Variants in SGCZ observed in about 807,000 individuals in gnomAD.
The protein encoded by SGCZ is zeta-sarcoglycan.
Under a neutral mutation model 41.3 loss-of-function variants are expected in SGCZ, and 40 were observed. The ratio of observed to expected loss-of-function variants is 0.97; its 90% confidence interval spans 0.75 to 1.26. The LOEUF is 1.26. Ranked by LOEUF, SGCZ falls within the 50% of genes most tolerant of loss-of-function variation. SGCZ has a pLI of 0.00. For synonymous variants in SGCZ, 206 were observed against 137.5 expected (o/e 1.50, Z -3.49); for missense variants, 552 against 369.8 (o/e 1.49, Z -4.04).
intron 4 of SGCZ, among the ~76,000 whole-genome samples, chr8:14,224,176 G>T (rs1806294910): frequency 6.6e-6 from 1 of 152,124 alleles, no homozygotes; most frequent in African/African-American, 2.4e-5. Context: ...ATACAATATG[G>T]ACTGAACTTG....
chr8:14,970,101 T>A (rs927598534), intron 1 of SGCZ, among the ~76,000 whole-genome samples: 1 of 152,146 alleles, frequency 6.6e-6, no homozygotes, highest in Non-Finnish European at 1.5e-5. Flanking sequence ...TGTAGTGATA[T>A]GTCATTGCAG....
At chr8:14,304,956 A>C (rs1801305562) in intron 3 of SGCZ, among the ~76,000 whole-genome samples, 1 of 152,182 alleles carries the variant, frequency 6.6e-6, no homozygotes, top group African/African-American at 2.4e-5. Context: ...ATTATCAATA[A>C]ATTAAAATTT....
intron 1 of SGCZ, among the ~76,000 whole-genome samples, chr8:14,731,016 C>A (rs905779177): frequency 1.3e-5 from 2 of 151,526 alleles, no homozygotes; most frequent in African/African-American, 2.4e-5. Context: ...ACCATTTGAC[C>A]CAGCAACCCC....
intron 5 of SGCZ, among the ~76,000 whole-genome samples, chr8:14,109,983 G>T (rs1183974390): frequency 6.6e-6 from 1 of 152,092 alleles, no homozygotes. Flanking sequence ...CTGAGACTCT[G>T]TAGGACATAT....
At position 15,000,266 on chromosome 8, in the gene SGCZ, T is replaced by C. The variant is rs143937112; in HGVS notation, c.39+237319A>G. Among the ~76,000 whole-genome samples, 543 of 152,308 alleles carry C rather than the reference T, an allele frequency of 3.6e-3. 2 individuals carry two copies. Among genetic ancestry groups the C allele is most frequent in the Admixed American group, 6.9e-3 (106 of 15,300 alleles). On this transcript the variant is annotated intron_variant, in intron 1 of 7. Coordinates refer to ENST00000382080, the MANE Select transcript of SGCZ (RefSeq NM_139167.4). The stretch of plus-strand genomic sequence containing the variant: ...TAGAACTCTGAGGAAAATATTTCTG[T>C]TGTTTAAGCTACTCAGTCTTTGTTT...
intron 1 of SGCZ, among the ~76,000 whole-genome samples, chr8:14,719,086 G>C (rs1049065391): frequency 9.1e-5 from 13 of 142,214 alleles, no homozygotes; most frequent in Non-Finnish European, 3.0e-5. Context: ...TCCCACCTAT[G>C]AGTGAGAATA....
chr8:14,742,154 T>A (rs1439183718), intron 1 of SGCZ, among the ~76,000 whole-genome samples: 1 of 152,012 alleles, frequency 6.6e-6, no homozygotes, highest in Non-Finnish European at 1.5e-5. Flanking sequence ...AAAGTTTATA[T>A]ACCATGCTAA....
chr8:14,940,790 C>T, intron 1 of SGCZ, among the ~76,000 whole-genome samples: 1 of 151,866 alleles, frequency 6.6e-6, no homozygotes, highest in Admixed American at 6.6e-5. Context: ...TGGTCAAAGA[C>T]ACTTTAAATG....
At chr8:14,329,918 TG>T (rs1482821849) in intron 2 of SGCZ, among the ~76,000 whole-genome samples, 5 of 152,118 alleles carry the variant, frequency 3.3e-5, no homozygotes, top group Non-Finnish European at 5.9e-5. Flanking sequence ...AGCAGTTTTT[TG>T]TTTGTTTTTC....
chr8:14,364,823 T>C (rs1422061769), intron 2 of SGCZ, among the ~76,000 whole-genome samples: 2 of 152,158 alleles, frequency 1.3e-5, no homozygotes, highest in Non-Finnish European at 2.9e-5. Context: ...TCTTTGCCCA[T>C]GGTGTTCTTC....
intron 1 of SGCZ, among the ~76,000 whole-genome samples, chr8:14,903,493 T>C (rs1799033278): frequency 6.6e-6 from 1 of 152,130 alleles, no homozygotes; most frequent in African/African-American, 2.4e-5. Flanking sequence ...GGGTTACTGT[T>C]AAAGTGTTCT....
intron 1 of SGCZ, among the ~76,000 whole-genome samples, chr8:14,773,443 A>C (rs1302653842): frequency 1.3e-5 from 2 of 152,192 alleles, no homozygotes; most frequent in Admixed American, 6.5e-5. Flanking sequence ...TTTTCCAACA[A>C]GATTATTAAT....
rs1809460537 is a variant in SGCZ, at chr8:14,709,978, C to A, written c.40-155052G>T. On this transcript the variant is annotated intron_variant, in intron 1 of 7. Transcript: ENST00000382080. ...ATAATAGAGAAACTAAGACTCAAAC[C>A]AGGTGCTAAGCACATTAGTCACTCT... Among the ~76,000 whole-genome samples, 3 of 152,090 alleles carry A rather than the reference C, an allele frequency of 2.0e-5. No individual in the cohort carries two copies. In the South Asian group the frequency reaches 6.2e-4, roughly 32 times the overall value.
At chr8:14,377,387 C>G (rs578208572) in intron 2 of SGCZ, among the ~76,000 whole-genome samples, 7 of 152,098 alleles carry the variant, frequency 4.6e-5, no homozygotes, top group Non-Finnish European at 1.0e-4. Context: ...TCCTGAGCCA[C>G]ATAATTTATA....
chr8:14,227,920 A>G (rs1444857302), intron 4 of SGCZ, among the ~76,000 whole-genome samples: 1 of 152,054 alleles, frequency 6.6e-6, no homozygotes, highest in East Asian at 1.9e-4. Flanking sequence ...GATCATAAGT[A>G]ATGGTTTCCC....
At chr8:14,551,938 A>G (rs997832480) in intron 2 of SGCZ, among the ~76,000 whole-genome samples, 40 of 151,850 alleles carry the variant, frequency 2.6e-4, no homozygotes, top group African/African-American at 9.6e-4. Context: ...TATGCTAAAA[A>G]TACAATATTT....
chr8:14,390,307 T>G (rs1231663033), intron 2 of SGCZ, among the ~76,000 whole-genome samples: 1 of 151,784 alleles, frequency 6.6e-6, no homozygotes, highest in African/African-American at 2.4e-5. Context: ...TTATTTTGTT[T>G]AATAATTTCA....
chr8:14,525,603 T>A (rs1802922635), intron 2 of SGCZ, among the ~76,000 whole-genome samples: 1 of 152,082 alleles, frequency 6.6e-6, no homozygotes, highest in Non-Finnish European at 1.5e-5. Flanking sequence ...TGCACATACC[T>A]CCACTCATAT....
At chr8:15,046,195 T>C (rs1804295625) in intron 1 of SGCZ, among the ~76,000 whole-genome samples, 1 of 152,032 alleles carries the variant, frequency 6.6e-6, no homozygotes, top group Non-Finnish European at 1.5e-5. Flanking sequence ...ACTTTCCAAT[T>C]AAAGCCTAAT....
Sources: gnomAD v4.1 joint callset for allele counts (sites outside exome capture counted in the v4.1 genomes callset) on GRCh38, gnomAD v4.1.1 for gene constraint, MANE v1.5 for transcripts, NCBI Gene and HGNC (gene_info 2026-07-23, HGNC 2026-07-21) for gene names.